ATRNL1: variants seen among roughly 807,000 people sequenced by gnomAD.
ATRNL1 encodes attractin like 1.
Under a neutral mutation model 182.7 loss-of-function variants are expected in ATRNL1, and 95 were observed. The observed-to-expected ratio is 0.52, with a 90% confidence interval of 0.44 to 0.62. The LOEUF is 0.62. Among genes scored for constraint, ATRNL1 ranks in the 20% least tolerant of loss-of-function variants. The probability of loss-of-function intolerance (pLI) is 0.00; values close to 1 mark genes in which losing one functional copy is unlikely to be tolerated. For synonymous variants in ATRNL1, 576 were observed against 568.3 expected (o/e 1.01, Z -0.19); for missense variants, 1,471 against 1,679.5 (o/e 0.88, Z 2.17).
intron 21 of ATRNL1, among the ~76,000 whole-genome samples, chr10:115,433,227 A>G (rs1192420524): frequency 1.3e-5 from 2 of 152,138 alleles, no homozygotes; most frequent in Non-Finnish European, 2.9e-5. Flanking sequence ...ATGACTTAAA[A>G]TAGTATGTCA....
At chr10:115,362,495 C>T (rs944288797) in intron 19 of ATRNL1, among the ~76,000 whole-genome samples, 10 of 149,532 alleles carry the variant, frequency 6.7e-5, no homozygotes, top group African/African-American at 1.2e-4. Context: ...ATCTGCTCAG[C>T]GGTTTACAAG....
chr10:115,350,811 A>C (rs1450357813), intron 19 of ATRNL1, among the ~76,000 whole-genome samples: 1 of 152,048 alleles, frequency 6.6e-6, no homozygotes, highest in Non-Finnish European at 1.5e-5. Flanking sequence ...GAAGAATGTC[A>C]TTGGTATTTT....
At chr10:115,537,417 C>G (rs1261537561) in intron 25 of ATRNL1, among the ~76,000 whole-genome samples, 1 of 152,156 alleles carries the variant, frequency 6.6e-6, no homozygotes, top group Non-Finnish European at 1.5e-5. Context: ...ATAGGTATCA[C>G]TATTTAACTC....
intron 26 of ATRNL1, among the ~76,000 whole-genome samples, chr10:115,682,670 A>ATGG (rs72437684): frequency 4.5e-4 from 57 of 125,886 alleles, no homozygotes; most frequent in African/African-American, 2.2e-3. Flanking sequence ...GATAATACAT[A>ATGG]TGATGATGAT....
At chr10:115,203,083 G>C (rs1227395046) in intron 8 of ATRNL1, among the ~76,000 whole-genome samples, 4 of 152,140 alleles carry the variant, frequency 2.6e-5, no homozygotes, top group African/African-American at 9.7e-5. Context: ...ATTGGAATAA[G>C]AGAATAGCTT....
chr10:115,702,777 A>C (rs1431801641), intron 26 of ATRNL1, among the ~76,000 whole-genome samples: 1 of 152,048 alleles, frequency 6.6e-6, no homozygotes, highest in East Asian at 1.9e-4. Flanking sequence ...AACACTGCTG[A>C]AAGAAGTCAT....
chr10:115,537,372 C>G (rs1852093589), intron 25 of ATRNL1, among the ~76,000 whole-genome samples: 1 of 152,132 alleles, frequency 6.6e-6, no homozygotes. Context: ...TACTGGGAAA[C>G]AGTCTCTTTT....
intron 20 of ATRNL1, among the ~76,000 whole-genome samples, chr10:115,419,089 G>C (rs977631062): frequency 6.6e-6 from 1 of 152,116 alleles, no homozygotes; most frequent in African/African-American, 2.4e-5. Context: ...TTAAGAGATA[G>C]ACAATATGAA....
Position 115,948,070 on chromosome 10 carries a change from G to A in ATRNL1, c.*3291G>A, listed in dbSNP as rs545506264. On this transcript the variant is annotated 3_prime_UTR_variant, in exon 29 of 29. Coordinates refer to ENST00000355044, the MANE Select transcript of ATRNL1 (RefSeq NM_207303.4). ...TTGGTCGTAGGTAAAGGTCAATCAGGTTTTTCAAAAAGACTCCCTGAATAA... is the reference window on the plus strand; with the variant it reads ...TTGGTCGTAGGTAAAGGTCAATCAGATTTTTCAAAAAGACTCCCTGAATAA... The A allele has an allele frequency of 6.6e-6, 1 of 152,222 alleles. No individual in the cohort carries two copies. The highest frequency in any genetic ancestry group is 1.9e-4 in the East Asian group (1 of 5,176). 9.4% of individuals were successfully genotyped at this position (152,222 alleles called of 1,614,324 possible).
At chr10:115,621,012 G>GT (rs1338998311) in intron 26 of ATRNL1, among the ~76,000 whole-genome samples, 1 of 151,282 alleles carries the variant, frequency 6.6e-6, no homozygotes, top group African/African-American at 2.4e-5. Flanking sequence ...TTGTCGCCTT[G>GT]TATCATTGGA....
intron 19 of ATRNL1, among the ~76,000 whole-genome samples, chr10:115,368,422 A>G (rs961157872): frequency 3.9e-5 from 6 of 152,106 alleles, no homozygotes; most frequent in Admixed American, 2.6e-4. Context: ...CACCCACTGT[A>G]TGGCACTCCC....
chr10:115,385,764 C>A (rs1858308487), intron 19 of ATRNL1, among the ~76,000 whole-genome samples: 1 of 151,958 alleles, frequency 6.6e-6, no homozygotes, highest in Non-Finnish European at 1.5e-5. Context: ...ATACTGGTTC[C>A]TTTTTTCTCT....
intron 27 of ATRNL1, among the ~76,000 whole-genome samples, chr10:115,765,989 C>A (rs1948850396): frequency 6.6e-6 from 1 of 150,902 alleles, no homozygotes; most frequent in African/African-American, 2.4e-5. Context: ...CCCCCCGGCT[C>A]ACTAAAGATC....
chr10:115,205,028 A>G (rs1418023695), intron 8 of ATRNL1, among the ~76,000 whole-genome samples: 1 of 151,900 alleles, frequency 6.6e-6, no homozygotes. Context: ...ATAACTCTAC[A>G]CTTTTATGCC....
chr10:115,476,384 T>C (rs1848530993), intron 24 of ATRNL1, among the ~76,000 whole-genome samples: 4 of 151,406 alleles, frequency 2.6e-5, no homozygotes, highest in Admixed American at 1.3e-4. Flanking sequence ...GCTCTTGTTA[T>C]TCTTTTAATG....
chr10:115,773,591 A>G (rs1555077011), intron 27 of ATRNL1, among the ~76,000 whole-genome samples: 1 of 152,158 alleles, frequency 6.6e-6, no homozygotes, highest in African/African-American at 2.4e-5. Flanking sequence ...TGAGCCACTT[A>G]TTAAACAAAT....
intron 27 of ATRNL1, among the ~76,000 whole-genome samples, chr10:115,822,759 TAAC>T (rs1301332622): frequency 6.6e-6 from 1 of 152,092 alleles, no homozygotes; most frequent in African/African-American, 2.4e-5. Flanking sequence ...AATAGACCAA[TAAC>T]AAGTTCTGAA....
At chr10:115,279,453 A>C (rs1342774784) in intron 13 of ATRNL1, among the ~76,000 whole-genome samples, 1 of 152,022 alleles carries the variant, frequency 6.6e-6, no homozygotes, top group African/African-American at 2.4e-5. Context: ...TGTCGGACAT[A>C]ATTTTCCAAG....
intron 26 of ATRNL1, among the ~76,000 whole-genome samples, chr10:115,645,721 T>G (rs1450137501): frequency 2.0e-5 from 3 of 152,000 alleles, no homozygotes; most frequent in African/African-American, 7.2e-5. Flanking sequence ...GAATGTTTAC[T>G]AGTTTTACTT....
Sources: gnomAD v4.1 joint callset for allele counts (sites outside exome capture counted in the v4.1 genomes callset) on GRCh38, gnomAD v4.1.1 for gene constraint, MANE v1.5 for transcripts, NCBI Gene and HGNC (gene_info 2026-07-23, HGNC 2026-07-21) for gene names.